Variants in NAA50 observed in about 807,000 individuals in gnomAD.
NAA50 encodes N-alpha-acetyltransferase 50, NatE catalytic subunit.
A neutral mutation model predicts 20.7 loss-of-function variants in NAA50; 7 were observed. The observed-to-expected ratio is 0.34, with a 90% CI of 0.19 to 0.63. NAA50 has a LOEUF of 0.63. Among genes scored for constraint, NAA50 ranks in the 30% least tolerant of loss-of-function variants. NAA50 has a pLI of 0.75. For synonymous variants in NAA50, 54 were observed against 70.6 expected, an observed-to-expected ratio of 0.77 and a Z score of 1.18; for missense variants, 111 against 199.1, an observed-to-expected ratio of 0.56 and a Z score of 2.66.
chr3:113,729,608 G>A (rs9855613), intron 1 of NAA50, among the ~76,000 whole-genome samples: 57,186 of 151,316 alleles, frequency 0.38, 10,947 homozygotes, highest in African/African-American at 0.44. Flanking sequence ...CAGTAGCACA[G>A]TCTTGGCTTG....
At position 113,718,258 on chromosome 3, in the gene NAA50, C is replaced by A. The variant is rs139653752; in HGVS notation, c.*3502G>T. 1.3e-5 allele frequency: 2 copies of A among 152,192 alleles called. No individual in the cohort carries two copies. The highest frequency in any genetic ancestry group is 2.9e-5 in the Non-Finnish European group (2 of 68,062). 9.4% of individuals were successfully genotyped at this position (152,192 alleles called of 1,614,324 possible). A position where few individuals can be genotyped will look rare whatever the true frequency, so the allele number is the denominator to read the frequency against. On this transcript the variant is annotated 3_prime_UTR_variant, in exon 5 of 5. Coordinates refer to ENST00000240922, the MANE Select transcript of NAA50 (RefSeq NM_025146.4). ...CCCAAGAGCCACGTAAGCAAGACAT[C>A]TTGGAAATGGCTCCTCTAGCCTTGT...
At chr3:113,734,428 G>C (rs575753074) in intron 1 of NAA50, among the ~76,000 whole-genome samples, 3 of 151,932 alleles carry the variant, frequency 2.0e-5, no homozygotes, top group South Asian at 4.2e-4. Flanking sequence ...GTAACAAACC[G>C]GTACATGTAC....
chr3:113,723,938 A>C (rs761203236), intron 2 of NAA50, 21 bp downstream of exon 2: 4 of 1,330,262 alleles, frequency 3.0e-6, no homozygotes, highest in Non-Finnish European at 3.0e-6. Flanking sequence ...AAGGGAGGAC[A>C]AAAAAAAAAC....
intron 1 of NAA50, chr3:113,740,855 C>T (rs1708404978): frequency 3.4e-6 from 1 of 296,900 alleles, no homozygotes; most frequent in Admixed American, 3.7e-5. Flanking sequence ...TCTATGTTTA[C>T]TAATGGCTTC....
At chr3:113,731,537 A>T (rs1404970454) in intron 1 of NAA50, among the ~76,000 whole-genome samples, 1 of 152,042 alleles carries the variant, frequency 6.6e-6, no homozygotes, top group Non-Finnish European at 1.5e-5. Context: ...TGATTTTTTT[A>T]CTATAAAGTT....
At chr3:113,735,375 T>C (rs775719994) in intron 1 of NAA50, among the ~76,000 whole-genome samples, 4 of 152,212 alleles carry the variant, frequency 2.6e-5, no homozygotes, top group East Asian at 1.9e-4. Context: ...TAAATCATCA[T>C]CCAAATTTAA....
At chr3:113,735,625 C>A (rs556424851) in intron 1 of NAA50, among the ~76,000 whole-genome samples, 55 of 152,202 alleles carry the variant, frequency 3.6e-4, no homozygotes, top group Admixed American at 2.1e-3. Flanking sequence ...ATATAAGACA[C>A]AAATTGCCAG....
intron 1 of NAA50, chr3:113,745,673 G>A (rs562358142): frequency 2.0e-4 from 92 of 457,068 alleles, no homozygotes; most frequent in African/African-American, 1.8e-3. Context: ...GCCCCACTCG[G>A]TCGCTTCTCC....
Position 113,745,969 on chromosome 3 carries a change from C to T in NAA50, c.-20G>A. ...TTTCATCTTCCCCGCCTGCTGAGGC[C>T]GTCGTTACCACCGATATCAACGCCG... On this transcript the variant is annotated 5_prime_UTR_variant, in exon 1 of 5. Transcript: ENST00000240922. 1.9e-6 allele frequency: 3 copies of T among 1,605,804 alleles called. No individual in the cohort carries two copies. The highest frequency in any genetic ancestry group is 1.1e-5 in the South Asian group (1 of 90,724).
chr3:113,742,060 T>C (rs1047218734), intron 1 of NAA50, among the ~76,000 whole-genome samples: 16 of 152,206 alleles, frequency 1.1e-4, no homozygotes, highest in Non-Finnish European at 1.9e-4. Flanking sequence ...TTATATTTTA[T>C]ATGAATTCAT....
At chr3:113,735,458 A>G (rs1708327311) in intron 1 of NAA50, among the ~76,000 whole-genome samples, 1 of 152,224 alleles carries the variant, frequency 6.6e-6, no homozygotes, top group African/African-American at 2.4e-5. Context: ...GAGGGAAACA[A>G]GGGCTAAGGA....
intron 1 of NAA50, among the ~76,000 whole-genome samples, chr3:113,735,563 G>T (rs750467150): frequency 1.3e-5 from 2 of 152,204 alleles, no homozygotes; most frequent in African/African-American, 4.8e-5. Context: ...GTAATATGAT[G>T]TAACAATGTA....
intron 1 of NAA50, among the ~76,000 whole-genome samples, chr3:113,729,411 A>G (rs975456240): frequency 6.6e-6 from 1 of 152,254 alleles, no homozygotes; most frequent in African/African-American, 2.4e-5. Flanking sequence ...GGTATTTTCA[A>G]ATTAGAAAGT....
intron 1 of NAA50, among the ~76,000 whole-genome samples, chr3:113,741,930 T>C (rs573284697): frequency 1.3e-4 from 20 of 152,364 alleles, no homozygotes; most frequent in East Asian, 7.7e-4. Context: ...CTTTATGGCA[T>C]AGTTGTGCCA....
intron 1 of NAA50, among the ~76,000 whole-genome samples, chr3:113,741,825 A>C (rs1340675343): frequency 1.3e-5 from 2 of 152,242 alleles, no homozygotes; most frequent in Non-Finnish European, 2.9e-5. Context: ...ACACAACATG[A>C]GTCAACAATG....
At chr3:113,727,758 T>C (rs994117224) in intron 1 of NAA50, among the ~76,000 whole-genome samples, 1 of 152,176 alleles carries the variant, frequency 6.6e-6, no homozygotes, top group Non-Finnish European at 1.5e-5. Flanking sequence ...TATATGTATA[T>C]ACACGCTTTA....
Position 113,746,091 on chromosome 3 carries a change from G to T in NAA50, c.-142C>A. ...CTGGGCAGGGAGCTGTGCGAGCAACGAAGGCCGCGAGAGTCGAGTGAGGGC... is the reference window on the plus strand; with the variant it reads ...CTGGGCAGGGAGCTGTGCGAGCAACTAAGGCCGCGAGAGTCGAGTGAGGGC... On this transcript the variant is annotated 5_prime_UTR_variant, in exon 1 of 5. Transcript: ENST00000240922. 3 of 1,121,300 alleles carry T rather than the reference G, an allele frequency of 2.7e-6. No individual in the cohort carries two copies. The highest frequency in any genetic ancestry group is 3.8e-6 in the Non-Finnish European group (3 of 795,698). The allele number at this position is 1,121,300 out of a possible 1,614,324, so 69.5% of individuals were successfully genotyped here. A position where few individuals can be genotyped will look rare whatever the true frequency, so the allele number is the denominator to read the frequency against.
rs1708086826 is a variant in NAA50, at chr3:113,718,240, G to T, written c.*3520C>A. The T allele has an allele frequency of 6.6e-6, 1 of 152,164 alleles. No homozygotes were observed. Among genetic ancestry groups the T allele is most frequent in the Admixed American group, 6.5e-5 (1 of 15,268 alleles). 9.4% of individuals were successfully genotyped at this position (152,164 alleles called of 1,614,324 possible). On this transcript the variant is annotated 3_prime_UTR_variant, in exon 5 of 5. Coordinates refer to ENST00000240922, the MANE Select transcript of NAA50 (RefSeq NM_025146.4). ...CACAGTGAGGAACAGAAGCCCAAGAGCCACGTAAGCAAGACATCTTGGAAA... is the reference window on the plus strand; with the variant it reads ...CACAGTGAGGAACAGAAGCCCAAGATCCACGTAAGCAAGACATCTTGGAAA...
chr3:113,726,639 G>A (rs1436375182), intron 1 of NAA50, among the ~76,000 whole-genome samples: 1 of 151,868 alleles, frequency 6.6e-6, no homozygotes, highest in Non-Finnish European at 1.5e-5. Flanking sequence ...AGCTACCCGG[G>A]AGGCTGAGGC....
Sources: allele counts gnomAD v4.1 joint callset (sites outside exome capture counted in the v4.1 genomes callset), GRCh38; gene constraint gnomAD v4.1.1; transcripts MANE v1.5; gene names NCBI Gene and HGNC (gene_info 2026-07-23, HGNC 2026-07-21).